IGSF10: variants seen among roughly 807,000 people sequenced by gnomAD.
The protein encoded by IGSF10 is immunoglobulin superfamily member 10.
In IGSF10, 126 loss-of-function variants were observed where a neutral mutation model predicts 128.2. That is an observed-to-expected ratio of 0.98 (90% confidence interval 0.85 to 1.14). The LOEUF is 1.14. IGSF10 is among the 50% of genes most tolerant of loss of function. The pLI is 0.00. For missense variants in IGSF10, 3,295 were observed against 3,149.8 expected (o/e 1.05, Z -1.10); for synonymous variants, 1,185 against 1,146.2 (o/e 1.03, Z -0.68).
intron 7 of IGSF10, among the ~76,000 whole-genome samples, chr3:151,442,034 C>T (rs1720887778): frequency 6.6e-6 from 1 of 152,202 alleles, no homozygotes; most frequent in South Asian, 2.1e-4. Context: ...GCACTCCAGC[C>T]TGGGCGACAG....
At chr3:151,465,389 C>A (rs559363018), upstream of IGSF10, among the ~76,000 whole-genome samples, 12 of 152,246 alleles carry the variant, frequency 7.9e-5, no homozygotes, top group African/African-American at 2.9e-4. Context: ...GCTCTGCTGA[C>A]TTTAGTTTTG....
At chr3:151,551,379 C>A in the IGSF10 span, among the ~76,000 whole-genome samples, 5 of 152,100 alleles carry the variant, frequency 3.3e-5, no homozygotes, top group African/African-American at 9.7e-5. Flanking sequence ...GTATCACAGT[C>A]AGCCCTGCAG....
chr3:151,451,557 G>A (rs76216682), intron 5 of IGSF10, among the ~76,000 whole-genome samples: 1 of 152,038 alleles, frequency 6.6e-6, no homozygotes, highest in Non-Finnish European at 1.5e-5. Flanking sequence ...TTTTTTGTTT[G>A]TTTTTTCACA....
At chr3:151,518,404 G>T in the IGSF10 span, among the ~76,000 whole-genome samples, 1 of 151,962 alleles carries the variant, frequency 6.6e-6, no homozygotes, top group Non-Finnish European at 1.5e-5. Flanking sequence ...TTCATGAATT[G>T]TTCTTTGCTC....
chr3:151,453,275 G>A, intron 5 of IGSF10, 109 bp downstream of exon 5: 2 of 842,478 alleles, frequency 2.4e-6, no homozygotes, highest in Non-Finnish European at 3.6e-6. Flanking sequence ...TTATTTCTGA[G>A]ATGTTATTTT....
chr3:151,538,992 G>A, the IGSF10 span, among the ~76,000 whole-genome samples: 1 of 152,162 alleles, frequency 6.6e-6, no homozygotes, highest in Admixed American at 6.5e-5. Flanking sequence ...ACGATAAAGA[G>A]CCAGCTTTTT....
At position 151,447,150 on chromosome 3, in the gene IGSF10, A is replaced by G; in HGVS notation, c.2831T>C (p.Leu944Ser). 2 of 1,614,186 alleles carry G rather than the reference A, an allele frequency of 1.2e-6. No individual in the cohort carries two copies. The highest frequency in any genetic ancestry group is 1.1e-5 in the South Asian group (1 of 91,078). ...ATTTGTGGTATTTACTGACTCTAATAATAGTTTGTTGGTGGTGCTACTAAG... is the reference window on the plus strand; with the variant it reads ...ATTTGTGGTATTTACTGACTCTAATGATAGTTTGTTGGTGGTGCTACTAAG... ...KMLSSTTNKL[L>S]LESVNTTNSH... Residue 944 changes from leucine (L) to serine (S), a missense_variant, in exon 6 of 8, where the codon TTA (leucine) becomes TCA (serine). Transcript: ENST00000282466.
chr3:151,484,058 A>G, the IGSF10 span, among the ~76,000 whole-genome samples: 1 of 152,228 alleles, frequency 6.6e-6, no homozygotes, highest in Non-Finnish European at 1.5e-5. Context: ...CTGGCTTGAA[A>G]TTCTCATGCC....
At chr3:151,575,126 G>T in the IGSF10 span, among the ~76,000 whole-genome samples, 1 of 152,164 alleles carries the variant, frequency 6.6e-6, no homozygotes, top group Non-Finnish European at 1.5e-5. Context: ...TCTCAGAGGG[G>T]CACCTGCCTG....
chr3:151,456,986 CT>C, intron 4 of IGSF10, 39 bp downstream of exon 4: 1 of 1,612,154 alleles, frequency 6.2e-7, no homozygotes, highest in Non-Finnish European at 8.5e-7. Context: ...CAGGTCCCAC[CT>C]TACCTCTTTA....
At chr3:151,439,825 T>C (rs1298655762) in intron 7 of IGSF10, among the ~76,000 whole-genome samples, 3 of 152,180 alleles carry the variant, frequency 2.0e-5, no homozygotes, top group Non-Finnish European at 4.4e-5. Context: ...CTGGTAAAAC[T>C]AAATCTACTT....
At chr3:151,608,533 C>G in the IGSF10 span, among the ~76,000 whole-genome samples, 1 of 152,172 alleles carries the variant, frequency 6.6e-6, no homozygotes, top group Admixed American at 6.5e-5. Context: ...TTCAGCTTCT[C>G]TCTGGTTTCT....
chr3:151,521,082 A>G, the IGSF10 span, among the ~76,000 whole-genome samples: 1 of 151,934 alleles, frequency 6.6e-6, no homozygotes, highest in African/African-American at 2.4e-5. Context: ...TTATAATACT[A>G]ATTTCAGACA....
the IGSF10 span, among the ~76,000 whole-genome samples, chr3:151,480,325 T>C: frequency 0.81 from 122,905 of 152,062 alleles, 49,741 homozygotes; most frequent in Middle Eastern, 0.92. Flanking sequence ...TGGGATCAGC[T>C]TGGGACTAGG....
chr3:151,521,139 T>C, the IGSF10 span, among the ~76,000 whole-genome samples: 197 of 151,958 alleles, frequency 1.3e-3, no homozygotes, highest in African/African-American at 4.6e-3. Flanking sequence ...AAGAAGGGCA[T>C]TACATAATGG....
In IGSF10 at chr3:151,436,463, A is replaced by AAAAT; in HGVS notation, c.*222_*225dup. ...TGTTTGTTTATTGTTATTTGTTGGCAAAATAAAAGTGCCTTAAGTTAAAAG... is the reference window on the plus strand; with the variant it reads ...TGTTTGTTTATTGTTATTTGTTGGCAAAATAAATAAAAGTGCCTTAAGTTAAAAG... On this transcript the variant is annotated 3_prime_UTR_variant, in exon 8 of 8. Coordinates refer to ENST00000282466, the MANE Select transcript of IGSF10 (RefSeq NM_178822.5). The AAAAT allele has an allele frequency of 4.9e-6, 2 of 404,724 alleles. No homozygotes were observed. Among genetic ancestry groups the AAAAT allele is most frequent in the Non-Finnish European group, 8.7e-6 (2 of 228,744 alleles). 25.1% of individuals were successfully genotyped at this position (404,724 alleles called of 1,614,324 possible).
the IGSF10 span, among the ~76,000 whole-genome samples, chr3:151,509,701 A>C: frequency 6.6e-6 from 1 of 152,240 alleles, no homozygotes; most frequent in African/African-American, 2.4e-5. Context: ...GGGAAGTGCA[A>C]GGGGTTGGGA....
At chr3:151,555,666 G>C in the IGSF10 span, among the ~76,000 whole-genome samples, 4 of 152,144 alleles carry the variant, frequency 2.6e-5, no homozygotes, top group African/African-American at 9.7e-5. Flanking sequence ...TATGGGTGTT[G>C]TGAGATAAAG....
At position 151,437,924 on chromosome 3, in the gene IGSF10, A is replaced by G. The variant is rs760063728; in HGVS notation, c.6637T>C (p.Cys2213Arg). 1 of 1,614,224 alleles carries G rather than the reference A, an allele frequency of 6.2e-7. No individual in the cohort carries two copies. Among genetic ancestry groups the G allele is most frequent in the South Asian group, 1.1e-5 (1 of 91,084 alleles). ...TCCCCACTGGGATTTCGGGCTACAC[A>G]TACGTACTCTCCAGAATCGAGCAGT... ...VKLLDSGEYV[C>R]VARNPSGDDT... The change falls in exon 8 of 8, where the codon TGT (cysteine) becomes CGT (arginine). Residue 2213 changes from cysteine to arginine, a missense_variant. Cys to Arg is a radical substitution (Grantham distance 180). Coordinates refer to ENST00000282466, the MANE Select transcript of IGSF10 (RefSeq NM_178822.5).
Sources: allele counts gnomAD v4.1 joint callset (sites outside exome capture counted in the v4.1 genomes callset), GRCh38; gene constraint gnomAD v4.1.1; transcripts MANE v1.5; gene names NCBI Gene and HGNC (gene_info 2026-07-23, HGNC 2026-07-21).